BANP: variants seen among roughly 807,000 people sequenced by gnomAD.
BANP encodes protein BANP.
A neutral mutation model predicts 68.1 loss-of-function variants in BANP; 11 were observed. That is an observed-to-expected ratio of 0.16 (90% CI 0.10 to 0.27). BANP has a LOEUF of 0.27. Ranked by LOEUF, BANP falls within the 10% of genes least tolerant of loss-of-function variation. The probability of loss-of-function intolerance (pLI) is 1.00; values close to 1 mark genes in which losing one functional copy is unlikely to be tolerated. For missense variants in BANP, 504 were observed against 722.7 expected (o/e 0.70, Z 3.47); for synonymous variants, 329 against 303.2 (o/e 1.09, Z -0.88).
chr16:88,074,779 C>G (rs1037930220), intron 13 of BANP, among the ~76,000 whole-genome samples: 28 of 152,202 alleles, frequency 1.8e-4, no homozygotes, highest in African/African-American at 6.5e-4. Flanking sequence ...CACCCCTTCC[C>G]GTTAGGCCTT....
chr16:87,967,811 C>T (rs552037543), intron 1 of BANP, among the ~76,000 whole-genome samples: 16 of 151,650 alleles, frequency 1.1e-4, no homozygotes, highest in African/African-American at 3.9e-4. Flanking sequence ...TTAGTAGAGA[C>T]GGCGTTTCAC....
intron 1 of BANP, chr16:87,956,503 A>T (rs752624476): frequency 6.6e-6 from 1 of 152,288 alleles, no homozygotes; most frequent in Non-Finnish European, 1.5e-5. Context: ...CAGGAAGTTG[A>T]AAACAGTATT....
chr16:88,016,721 C>T (rs964231450), intron 6 of BANP, among the ~76,000 whole-genome samples: 9 of 152,298 alleles, frequency 5.9e-5, no homozygotes, highest in Admixed American at 1.3e-4. Flanking sequence ...CACGTGTTTC[C>T]GTTTTGCTCC....
chr16:88,019,742 C>A (rs1335689975), intron 7 of BANP, among the ~76,000 whole-genome samples: 1 of 144,564 alleles, frequency 6.9e-6, no homozygotes, highest in African/African-American at 2.5e-5. Flanking sequence ...GCGTGCAGGG[C>A]CAGCTGTTCC....
intron 2 of BANP, 111 bp downstream of exon 2, chr16:87,975,296 T>G: frequency 9.2e-7 from 1 of 1,084,378 alleles, no homozygotes; most frequent in East Asian, 2.5e-5. Context: ...TAATGCATGC[T>G]GCGTATGAAA....
At chr16:88,068,824 C>T (rs1459486363) in intron 12 of BANP, among the ~76,000 whole-genome samples, 1 of 152,194 alleles carries the variant, frequency 6.6e-6, no homozygotes, top group Non-Finnish European at 1.5e-5. Context: ...GCAGGAATGT[C>T]TGCTCTCTCT....
chr16:87,983,013 G>T (rs2063579001), intron 3 of BANP, among the ~76,000 whole-genome samples: 1 of 152,100 alleles, frequency 6.6e-6, no homozygotes, highest in African/African-American at 2.4e-5. Flanking sequence ...CCTGTGCTGC[G>T]AGCTCCACGG....
intron 6 of BANP, among the ~76,000 whole-genome samples, chr16:88,016,064 C>G (rs1190878347): frequency 2.0e-5 from 3 of 152,214 alleles, no homozygotes; most frequent in African/African-American, 7.2e-5. Flanking sequence ...ACAAGCAAAT[C>G]TCTGCCCCTT....
chr16:87,963,733 C>G (rs1232625815), intron 1 of BANP, among the ~76,000 whole-genome samples: 2 of 152,196 alleles, frequency 1.3e-5, no homozygotes, highest in African/African-American at 4.8e-5. Context: ...AGAGAAGATC[C>G]TGGTGTTGAA....
chr16:88,016,342 G>C (rs1228316585), intron 6 of BANP, among the ~76,000 whole-genome samples: 1 of 152,196 alleles, frequency 6.6e-6, no homozygotes, highest in Non-Finnish European at 1.5e-5. Flanking sequence ...TTCCCATTTA[G>C]ATCTTTGGTC....
intron 4 of BANP, among the ~76,000 whole-genome samples, chr16:87,990,049 T>C (rs1289131807): frequency 2.0e-5 from 3 of 152,246 alleles, no homozygotes; most frequent in Non-Finnish European, 1.5e-5. Flanking sequence ...ACTGGGCAGC[T>C]CAGACAGCAG....
intron 6 of BANP, among the ~76,000 whole-genome samples, chr16:88,016,899 C>T (rs1464873299): frequency 6.6e-5 from 10 of 152,342 alleles, no homozygotes; most frequent in Admixed American, 1.3e-4. Flanking sequence ...TGTCTTCTAT[C>T]CTTAGCTACA....
chr16:88,046,571 A>G (rs2082071147), intron 11 of BANP, among the ~76,000 whole-genome samples: 1 of 151,404 alleles, frequency 6.6e-6, no homozygotes, highest in African/African-American at 2.4e-5. Flanking sequence ...TTTGACACGG[A>G]GTCTTGCTCT....
At chr16:87,996,999 C>T (rs182312948) in intron 4 of BANP, among the ~76,000 whole-genome samples, 1 of 152,278 alleles carries the variant, frequency 6.6e-6, no homozygotes, top group Non-Finnish European at 1.5e-5. Flanking sequence ...GGCCGCCATG[C>T]CAGTTGCCCA....
At chr16:87,965,211 C>T (rs922669113) in intron 1 of BANP, among the ~76,000 whole-genome samples, 1 of 152,106 alleles carries the variant, frequency 6.6e-6, no homozygotes, top group African/African-American at 2.4e-5. Context: ...CCGGAATGAG[C>T]CCCATCAGGC....
chr16:87,954,982 G>C (rs1304999388), intron 1 of BANP, among the ~76,000 whole-genome samples: 2 of 152,236 alleles, frequency 1.3e-5, no homozygotes, highest in Non-Finnish European at 2.9e-5. Context: ...GAATTGCAGC[G>C]TGGGCTGGTG....
intron 11 of BANP, among the ~76,000 whole-genome samples, chr16:88,052,038 T>C (rs1439250313): frequency 6.6e-6 from 1 of 152,220 alleles, no homozygotes; most frequent in Non-Finnish European, 1.5e-5. Context: ...AGATACCTCT[T>C]GAAGCACTGT....
intron 8 of BANP, among the ~76,000 whole-genome samples, chr16:88,031,819 C>T (rs919485749): frequency 1.3e-5 from 2 of 150,850 alleles, no homozygotes; most frequent in African/African-American, 2.4e-5. Context: ...TGCCCCTCCC[C>T]GTCCCTTCCC....
chr16:88,010,458 G>A (rs1299996719), intron 6 of BANP, among the ~76,000 whole-genome samples: 3 of 152,212 alleles, frequency 2.0e-5, no homozygotes, highest in Non-Finnish European at 2.9e-5. Context: ...GCCAGTGAAG[G>A]CTGGTGAGGC....
Sources: allele counts gnomAD v4.1 joint callset (sites outside exome capture counted in the v4.1 genomes callset), GRCh38; gene constraint gnomAD v4.1.1; transcripts MANE v1.5; gene names NCBI Gene and HGNC (gene_info 2026-07-23, HGNC 2026-07-21).